Variants in EYS observed in about 807,000 individuals in gnomAD.
EYS encodes EGF-like photoreceptor maintenance factor.
Under a neutral mutation model 282.1 loss-of-function variants are expected in EYS, and 250 were observed. That is an observed-to-expected ratio of 0.89 (90% CI 0.80 to 0.98). EYS has a LOEUF of 0.98. Among genes scored for constraint, EYS ranks in the 50% least tolerant of loss-of-function variants. EYS has a pLI of 0.00. For synonymous variants in EYS, 1,355 were observed against 1,282.9 expected (o/e 1.06, Z -1.20); for missense variants, 4,016 against 3,709.0 (o/e 1.08, Z -2.15).
At chr6:64,050,043 G>A (rs1488112284) in intron 33 of EYS, among the ~76,000 whole-genome samples, 1 of 152,022 alleles carries the variant, frequency 6.6e-6, no homozygotes, top group East Asian at 1.9e-4. Flanking sequence ...ATCTTATTAG[G>A]GGAAAGAAAG....
At chr6:65,408,767 G>T (rs575973801) in intron 5 of EYS, among the ~76,000 whole-genome samples, 43 of 152,032 alleles carry the variant, frequency 2.8e-4, no homozygotes, top group South Asian at 4.1e-4. Context: ...ATTTAATGTG[G>T]TTTTTTTCCA....
chr6:63,971,037 C>T (rs951400164), intron 35 of EYS, among the ~76,000 whole-genome samples: 1 of 152,090 alleles, frequency 6.6e-6, no homozygotes, highest in Admixed American at 6.5e-5. Context: ...CCAACAGGAC[C>T]ATAAATTGTA....
intron 28 of EYS, among the ~76,000 whole-genome samples, chr6:64,414,565 T>C (rs1458314672): frequency 6.6e-6 from 1 of 152,016 alleles, no homozygotes; most frequent in Non-Finnish European, 1.5e-5. Context: ...CTAGGAGCCA[T>C]AAAGTAAATC....
chr6:63,769,286 CT>C (rs533816613), intron 40 of EYS, among the ~76,000 whole-genome samples: 8 of 149,196 alleles, frequency 5.4e-5, no homozygotes, highest in South Asian at 2.1e-4. Context: ...GATAAAATAG[CT>C]TTTTTTTTTC....
At chr6:64,738,124 T>C (rs1257134338) in intron 22 of EYS, among the ~76,000 whole-genome samples, 1 of 152,136 alleles carries the variant, frequency 6.6e-6, no homozygotes, top group African/African-American at 2.4e-5. Context: ...TTTGATGTAA[T>C]TTAGATATTT....
In EYS at chr6:65,693,645, C is replaced by A. The variant is rs181717171; in HGVS notation, c.-448+13490G>T. On this transcript the variant is annotated intron_variant, in intron 1 of 42. Coordinates refer to ENST00000503581, the MANE Select transcript of EYS (RefSeq NM_001142800.2). ...TAAGATTTGGAAAATTATAGAATTT[C>A]AAGTATAAAGATAATGACAGAGAAA... Among the ~76,000 whole-genome samples, 64 of 149,798 alleles carry A rather than the reference C, an allele frequency of 4.3e-4. 1 individual carries two copies. The highest frequency in any genetic ancestry group is 1.5e-3 in the African/African-American group (63 of 41,188).
chr6:64,486,050 C>G (rs897513583), intron 26 of EYS, among the ~76,000 whole-genome samples: 1 of 151,302 alleles, frequency 6.6e-6, no homozygotes, highest in African/African-American at 2.4e-5. Context: ...CCACTGTAAC[C>G]TTTTATTGTA....
At chr6:64,248,539 G>A (rs1307165702) in intron 30 of EYS, among the ~76,000 whole-genome samples, 3 of 152,094 alleles carry the variant, frequency 2.0e-5, no homozygotes, top group African/African-American at 4.8e-5. Flanking sequence ...ACCAGTCAGG[G>A]GCTGTCAGGA....
At chr6:64,370,269 C>T (rs1199341782) in intron 29 of EYS, among the ~76,000 whole-genome samples, 1 of 152,014 alleles carries the variant, frequency 6.6e-6, no homozygotes, top group Non-Finnish European at 1.5e-5. Flanking sequence ...TTTTCATTAT[C>T]TATTGTGATG....
At chr6:65,204,458 C>T (rs961441059) in intron 12 of EYS, among the ~76,000 whole-genome samples, 9 of 145,480 alleles carry the variant, frequency 6.2e-5, no homozygotes, top group African/African-American at 1.3e-4. Context: ...GCATCATAAA[C>T]GAAGAAAAAA....
At chr6:65,266,985 T>TAGAGAGAG (rs1423362742) in intron 12 of EYS, among the ~76,000 whole-genome samples, 2 of 124,650 alleles carry the variant, frequency 1.6e-5, no homozygotes, top group Non-Finnish European at 3.5e-5. Context: ...GACATATATA[T>TAGAGAGAG]ATATAGAGAG....
chr6:64,583,123 T>C (rs1181366548), intron 26 of EYS, among the ~76,000 whole-genome samples: 6 of 152,170 alleles, frequency 3.9e-5, no homozygotes, highest in African/African-American at 1.2e-4. Context: ...TGACTTTTAA[T>C]GTAGTAAAGT....
chr6:64,699,909 C>CA, intron 22 of EYS, among the ~76,000 whole-genome samples: 1 of 152,092 alleles, frequency 6.6e-6, no homozygotes, highest in East Asian at 1.9e-4. Flanking sequence ...AAGTAAACTA[C>CA]ATACCCATAT....
At chr6:64,034,137 AG>A (rs1449810302) in intron 33 of EYS, among the ~76,000 whole-genome samples, 1 of 152,208 alleles carries the variant, frequency 6.6e-6, no homozygotes, top group Non-Finnish European at 1.5e-5. Flanking sequence ...GGCCAAATCC[AG>A]GGTCCAGTAA....
At chr6:64,606,372 C>G (rs771649973) in intron 24 of EYS, among the ~76,000 whole-genome samples, 1 of 151,884 alleles carries the variant, frequency 6.6e-6, no homozygotes. Flanking sequence ...TCTGAGCAAA[C>G]AAATTTGGAC....
intron 19 of EYS, among the ~76,000 whole-genome samples, chr6:64,841,432 C>T (rs1765560374): frequency 6.6e-6 from 1 of 151,982 alleles, no homozygotes; most frequent in Admixed American, 6.6e-5. Context: ...AAGATTAGAT[C>T]TGTGTTATTT....
intron 2 of EYS, among the ~76,000 whole-genome samples, chr6:65,513,517 T>C (rs570162376): frequency 1.3e-5 from 2 of 152,116 alleles, no homozygotes; most frequent in Middle Eastern, 3.4e-3. Context: ...ATATCCTTGA[T>C]GAACATTGAT....
At chr6:64,808,693 C>A (rs1290027395) in intron 22 of EYS, among the ~76,000 whole-genome samples, 1 of 151,872 alleles carries the variant, frequency 6.6e-6, no homozygotes, top group Non-Finnish European at 1.5e-5. Context: ...ACTACCACAG[C>A]AAATTTATCC....
At chr6:65,560,220 T>TATA (rs61322623) in intron 2 of EYS, among the ~76,000 whole-genome samples, 59,845 of 144,112 alleles carry the variant, frequency 0.42, 12,979 homozygotes, top group African/African-American at 0.52. Flanking sequence ...TATTATAAAA[T>TATA]ATAATTATAA....
Sources: allele counts gnomAD v4.1 joint callset (sites outside exome capture counted in the v4.1 genomes callset), GRCh38; gene constraint gnomAD v4.1.1; transcripts MANE v1.5; gene names NCBI Gene and HGNC (gene_info 2026-07-23, HGNC 2026-07-21).